DOCK3: variants seen among roughly 807,000 people sequenced by gnomAD.
DOCK3 encodes the protein dedicator of cytokinesis protein 3.
In DOCK3, 60 loss-of-function variants were observed where a neutral mutation model predicts 265.6. That is an observed-to-expected ratio of 0.23 (90% CI 0.18 to 0.28). The LOEUF is 0.28. Ranked by LOEUF, DOCK3 falls within the 10% of genes least tolerant of loss-of-function variation. The probability of loss-of-function intolerance (pLI) is 1.00; values close to 1 mark genes in which losing one functional copy is unlikely to be tolerated. For synonymous variants in DOCK3, 881 were observed against 938.0 expected (o/e 0.94, Z 1.11); for missense variants, 1,981 against 2,594.3 (o/e 0.76, Z 5.14).
intron 13 of DOCK3, among the ~76,000 whole-genome samples, chr3:51,213,520 G>T (rs576853644): frequency 2.8e-4 from 42 of 152,322 alleles, no homozygotes; most frequent in African/African-American, 9.9e-4. Flanking sequence ...TAAAGATCAT[G>T]TGGAGGATCT....
At chr3:50,929,293 C>T (rs2050932976) in intron 4 of DOCK3, among the ~76,000 whole-genome samples, 1 of 152,128 alleles carries the variant, frequency 6.6e-6, no homozygotes. Flanking sequence ...GAACCAGGTC[C>T]TTCAACAGCA....
At chr3:51,100,973 T>A (rs919166089) in intron 9 of DOCK3, among the ~76,000 whole-genome samples, 119 of 144,530 alleles carry the variant, frequency 8.2e-4, no homozygotes, top group Non-Finnish European at 1.1e-3. Flanking sequence ...TAAAAAAAAA[T>A]TTTTTTTTTT....
chr3:50,803,112 T>G (rs888413586), intron 2 of DOCK3, among the ~76,000 whole-genome samples: 5 of 152,020 alleles, frequency 3.3e-5, no homozygotes, highest in African/African-American at 7.2e-5. Flanking sequence ...TTCTTGGGTG[T>G]TTCTCGGAGA....
intron 5 of DOCK3, among the ~76,000 whole-genome samples, chr3:51,027,932 A>C (rs1181420203): frequency 6.6e-6 from 1 of 151,922 alleles, no homozygotes; most frequent in Non-Finnish European, 1.5e-5. Context: ...TAGGCTGTGT[A>C]GGTTCAACTT....
intron 27 of DOCK3, among the ~76,000 whole-genome samples, chr3:51,296,094 C>G (rs527623329): frequency 3.9e-5 from 6 of 152,218 alleles, no homozygotes; most frequent in Non-Finnish European, 7.4e-5. Flanking sequence ...AAGGCATCCA[C>G]AGGAAAATTA....
chr3:50,898,945 T>C (rs2049037236), intron 4 of DOCK3, among the ~76,000 whole-genome samples: 1 of 152,240 alleles, frequency 6.6e-6, no homozygotes, highest in East Asian at 1.9e-4. Context: ...GAGAGGAATG[T>C]ATATTCTGTT....
At chr3:51,010,239 C>T (rs149074752) in intron 5 of DOCK3, among the ~76,000 whole-genome samples, 2 of 152,028 alleles carry the variant, frequency 1.3e-5, no homozygotes, top group Non-Finnish European at 2.9e-5. Context: ...CCCATTATTA[C>T]TGTGTGGGAG....
Position 51,326,283 on chromosome 3 carries a change from C to T in DOCK3, c.3403-3855C>T, listed in dbSNP as rs1011898960. Among the ~76,000 whole-genome samples the T allele has an allele frequency of 1.4e-4, 21 of 147,756 alleles. No homozygotes were observed. The East Asian group carries it at 1.8e-3, about 13-fold the overall frequency. Reference sequence around the variant, plus strand: ...TTTTTAATTTTTTTTTTTTTTGAGACGGAGTCTCGCTCTGTCACCCAGGCT... The same window carrying T: ...TTTTTAATTTTTTTTTTTTTTGAGATGGAGTCTCGCTCTGTCACCCAGGCT... On this transcript the variant is annotated intron_variant, in intron 32 of 52. Coordinates refer to ENST00000266037, the MANE Select transcript of DOCK3 (RefSeq NM_004947.5).
chr3:51,342,238 A>G (rs534409933), intron 38 of DOCK3, among the ~76,000 whole-genome samples: 13 of 152,244 alleles, frequency 8.5e-5, no homozygotes, highest in Non-Finnish European at 1.2e-4. Flanking sequence ...TTTACATAAC[A>G]TGGGGGACTT....
intron 2 of DOCK3, among the ~76,000 whole-genome samples, chr3:50,840,418 C>A (rs1253797064): frequency 6.6e-6 from 1 of 152,156 alleles, no homozygotes; most frequent in African/African-American, 2.4e-5. Context: ...TATGTAGATT[C>A]ATTTTCTTTG....
intron 1 of DOCK3, among the ~76,000 whole-genome samples, chr3:50,750,103 C>T (rs2039695473): frequency 6.6e-6 from 1 of 152,136 alleles, no homozygotes; most frequent in Non-Finnish European, 1.5e-5. Flanking sequence ...TATAGGAATG[C>T]AAACCCTATT....
chr3:51,196,184 C>T (rs988525229), intron 12 of DOCK3, among the ~76,000 whole-genome samples: 2 of 151,986 alleles, frequency 1.3e-5, no homozygotes, highest in Admixed American at 6.6e-5. Flanking sequence ...AGGCCTCCTG[C>T]CTCAGCCTCC....
chr3:50,993,079 T>TG (rs1157990941), intron 5 of DOCK3, among the ~76,000 whole-genome samples: 2 of 152,176 alleles, frequency 1.3e-5, no homozygotes, highest in African/African-American at 4.8e-5. Flanking sequence ...CTCAATCCCT[T>TG]GGGGTAATTA....
intron 1 of DOCK3, among the ~76,000 whole-genome samples, chr3:50,688,601 T>G (rs2035003477): frequency 6.6e-6 from 1 of 152,188 alleles, no homozygotes; most frequent in South Asian, 2.1e-4. Context: ...TAGCTGGGAT[T>G]ATAGGCGCAT....
chr3:51,084,957 C>T (rs1032792835), intron 7 of DOCK3, among the ~76,000 whole-genome samples: 1 of 152,036 alleles, frequency 6.6e-6, no homozygotes, highest in Non-Finnish European at 1.5e-5. Flanking sequence ...TATAACGACA[C>T]ACATAGACTG....
At chr3:50,699,793 A>G (rs533520974) in intron 1 of DOCK3, among the ~76,000 whole-genome samples, 40 of 152,232 alleles carry the variant, frequency 2.6e-4, no homozygotes, top group Admixed American at 5.9e-4. Context: ...GCCATGGGAG[A>G]CAAAAGTCTA....
chr3:50,872,903 T>C (rs1265378932), intron 3 of DOCK3, among the ~76,000 whole-genome samples: 1 of 152,222 alleles, frequency 6.6e-6, no homozygotes, highest in Non-Finnish European at 1.5e-5. Flanking sequence ...GTGGTGACTC[T>C]TTCCTGGCCT....
intron 9 of DOCK3, among the ~76,000 whole-genome samples, chr3:51,098,281 T>C (rs1201451553): frequency 2.0e-5 from 3 of 152,234 alleles, no homozygotes; most frequent in Admixed American, 6.5e-5. Flanking sequence ...AATCTTGAAC[T>C]CCTGACCTCG....
At chr3:51,220,436 C>A (rs565688342) in intron 14 of DOCK3, among the ~76,000 whole-genome samples, 1 of 151,970 alleles carries the variant, frequency 6.6e-6, no homozygotes, top group Non-Finnish European at 1.5e-5. Context: ...GCAGGCAGAT[C>A]ACCTGAGGTC....
Sources: allele counts gnomAD v4.1 joint callset (sites outside exome capture counted in the v4.1 genomes callset), GRCh38; gene constraint gnomAD v4.1.1; transcripts MANE v1.5; gene names NCBI Gene and HGNC (gene_info 2026-07-23, HGNC 2026-07-21).